Variants in HPSE2 observed in about 807,000 individuals in gnomAD.
The protein encoded by HPSE2 is heparanase 2 (inactive).
Under a neutral mutation model 60.5 loss-of-function variants are expected in HPSE2, and 38 were observed. The ratio of observed to expected loss-of-function variants is 0.63; its 90% CI spans 0.48 to 0.82. The LOEUF is 0.82. HPSE2 is among the 40% of genes least tolerant of loss of function. The pLI, the probability that HPSE2 is intolerant of heterozygous loss-of-function variation, is 0.00. For missense variants in HPSE2, 713 were observed against 740.4 expected (o/e 0.96, Z 0.43); for synonymous variants, 295 against 293.2 (o/e 1.01, Z -0.06).
chr10:98,815,141 G>A (rs992139227), intron 3 of HPSE2, among the ~76,000 whole-genome samples: 5 of 152,146 alleles, frequency 3.3e-5, no homozygotes, highest in African/African-American at 4.8e-5. Flanking sequence ...AAATTAGCCT[G>A]GTGTGGTAGC....
chr10:99,246,239 GA>G, the HPSE2 span, among the ~76,000 whole-genome samples: 3 of 152,128 alleles, frequency 2.0e-5, no homozygotes, highest in African/African-American at 7.2e-5. Flanking sequence ...TTATGGGGGG[GA>G]AAATACAAGA....
In HPSE2 at chr10:98,620,556, T is replaced by C. The variant is rs750221340; in HGVS notation, c.1205+46A>G. 4.4e-6 allele frequency: 6 copies of C among 1,371,462 alleles called. 1 individual carries two copies. In the South Asian group the frequency reaches 7.0e-5, roughly 16 times the overall value. 85.0% of individuals were successfully genotyped at this position (1,371,462 alleles called of 1,614,324 possible). A position where few individuals can be genotyped will look rare whatever the true frequency, so the allele number is the denominator to read the frequency against. On this transcript the variant is annotated intron_variant, in intron 8 of 11. Coordinates refer to ENST00000370552, the MANE Select transcript of HPSE2 (RefSeq NM_021828.5). Reference sequence around the variant, plus strand: ...CAGCAACACCAGAGATTCACTGTCCTTCCCTCCTGAAAGCCCCTGGGGGTG... The same window carrying C: ...CAGCAACACCAGAGATTCACTGTCCCTCCCTCCTGAAAGCCCCTGGGGGTG...
intron 7 of HPSE2, among the ~76,000 whole-genome samples, chr10:98,624,882 C>G (rs1173020447): frequency 2.6e-5 from 4 of 152,178 alleles, no homozygotes; most frequent in African/African-American, 9.7e-5. Context: ...GTGGGTCCTT[C>G]TACGGTGATG....
At chr10:98,669,715 T>C (rs936286733) in intron 6 of HPSE2, among the ~76,000 whole-genome samples, 7 of 152,040 alleles carry the variant, frequency 4.6e-5, no homozygotes, top group South Asian at 2.1e-4. Flanking sequence ...CAATAGACAC[T>C]GGGGACTGCT....
intron 6 of HPSE2, among the ~76,000 whole-genome samples, chr10:98,686,373 C>A (rs928313155): frequency 3.3e-5 from 5 of 152,046 alleles, no homozygotes; most frequent in Middle Eastern, 3.4e-3. Flanking sequence ...AGTTTTCTAC[C>A]TTTTCTCATG....
chr10:98,913,825 T>C (rs542865816), intron 3 of HPSE2, among the ~76,000 whole-genome samples: 1 of 152,288 alleles, frequency 6.6e-6, no homozygotes, highest in African/African-American at 2.4e-5. Context: ...AAGGGAAACA[T>C]TTAAGAACTT....
Position 98,743,851 on chromosome 10 carries a change from G to A in HPSE2, c.784+32C>T, listed in dbSNP as rs746990709. 3.8e-6 allele frequency: 6 copies of A among 1,585,838 alleles called. No individual in the cohort carries two copies. In the South Asian group the frequency reaches 6.6e-5, roughly 18 times the overall value. On this transcript the variant is annotated intron_variant, in intron 4 of 11. Transcript: ENST00000370552. ...CCAACTTATTTTTCCCCTTTATTTTGTCAATTCAGAGGAAGTAACATCCTT... is the reference window on the plus strand; with the variant it reads ...CCAACTTATTTTTCCCCTTTATTTTATCAATTCAGAGGAAGTAACATCCTT...
In HPSE2 at chr10:99,187,689, C is replaced by A. The variant is rs574882799; in HGVS notation, c.449-43290G>T. 2.0e-5 allele frequency among the ~76,000 whole-genome samples: 3 copies of A among 152,300 alleles called. No individual in the cohort carries two copies. In the East Asian group the frequency reaches 5.8e-4, roughly 29 times the overall value. ...ATGCAAATGAAAACGTAGTAAGATA[C>A]TACTGAATACTCACTAGAACTGCTA... On this transcript the variant is annotated intron_variant, in intron 2 of 11. Transcript: ENST00000370552.
chr10:98,564,797 G>T (rs1944292702), intron 9 of HPSE2, among the ~76,000 whole-genome samples: 1 of 152,118 alleles, frequency 6.6e-6, no homozygotes, highest in Non-Finnish European at 1.5e-5. Flanking sequence ...ATATTTCCAA[G>T]GAAGAAGATT....
chr10:98,767,643 T>C (rs947314478), intron 3 of HPSE2, among the ~76,000 whole-genome samples: 33 of 146,332 alleles, frequency 2.3e-4, no homozygotes, highest in Non-Finnish European at 4.5e-4. Context: ...TATTTATTAA[T>C]ATTTATTTTA....
chr10:98,789,009 T>C (rs531241699), intron 3 of HPSE2, among the ~76,000 whole-genome samples: 1 of 152,320 alleles, frequency 6.6e-6, no homozygotes, highest in South Asian at 2.1e-4. Context: ...TTTTTTTCTT[T>C]TTAGCACTTG....
intron 9 of HPSE2, among the ~76,000 whole-genome samples, chr10:98,516,767 GA>G (rs1942616026): frequency 6.6e-6 from 1 of 152,212 alleles, no homozygotes; most frequent in Admixed American, 6.5e-5. Flanking sequence ...AACAGAGCCA[GA>G]ACACCAGATG....
intron 3 of HPSE2, among the ~76,000 whole-genome samples, chr10:98,805,829 CAAGTA>C (rs1951029817): frequency 6.6e-6 from 1 of 151,922 alleles, no homozygotes; most frequent in Non-Finnish European, 1.5e-5. Context: ...TTTTTTCTTC[CAAGTA>C]TAGTGTAATT....
chr10:99,091,630 C>T (rs1419326132), intron 3 of HPSE2, among the ~76,000 whole-genome samples: 3 of 152,214 alleles, frequency 2.0e-5, no homozygotes, highest in East Asian at 1.9e-4. Flanking sequence ...TAAATATGCT[C>T]CATTTGGCAT....
intron 3 of HPSE2, among the ~76,000 whole-genome samples, chr10:98,928,642 T>C (rs1451572350): frequency 7.7e-6 from 1 of 129,916 alleles, no homozygotes; most frequent in East Asian, 2.2e-4. Context: ...ATATACACCA[T>C]GGAATACTAT....
At chr10:98,702,817 C>A (rs970161700) in intron 5 of HPSE2, among the ~76,000 whole-genome samples, 13 of 152,068 alleles carry the variant, frequency 8.5e-5, no homozygotes, top group Non-Finnish European at 1.6e-4. Context: ...TAAATGCCAA[C>A]ATCAGAAAGC....
At chr10:99,180,419 C>T (rs1164235423) in intron 2 of HPSE2, among the ~76,000 whole-genome samples, 1 of 152,096 alleles carries the variant, frequency 6.6e-6, no homozygotes, top group Non-Finnish European at 1.5e-5. Flanking sequence ...AAGAAAAAAA[C>T]AACCCCATCA....
intron 6 of HPSE2, among the ~76,000 whole-genome samples, chr10:98,683,700 A>G (rs1231845135): frequency 6.6e-6 from 1 of 152,048 alleles, no homozygotes; most frequent in Non-Finnish European, 1.5e-5. Context: ...AGGAATTCCA[A>G]TATCTGACTA....
At chr10:98,772,089 G>T (rs577861508) in intron 3 of HPSE2, among the ~76,000 whole-genome samples, 130 of 152,258 alleles carry the variant, frequency 8.5e-4, no homozygotes, top group Non-Finnish European at 1.7e-3. Flanking sequence ...TAAGGATGGT[G>T]GTTGGAGAGG....
Sources: allele counts gnomAD v4.1 joint callset (sites outside exome capture counted in the v4.1 genomes callset), GRCh38; gene constraint gnomAD v4.1.1; transcripts MANE v1.5; gene names NCBI Gene and HGNC (gene_info 2026-07-23, HGNC 2026-07-21).